Variants in CLOCK observed in about 807,000 individuals in gnomAD.
CLOCK encodes circadian locomoter output cycles protein kaput.
Under a neutral mutation model 118.4 loss-of-function variants are expected in CLOCK, and 43 were observed. The ratio of observed to expected loss-of-function variants is 0.36; its 90% CI spans 0.28 to 0.47. CLOCK has a LOEUF of 0.47. CLOCK is among the 20% of genes least tolerant of loss of function. CLOCK has a pLI of 1.00. For missense variants in CLOCK, 846 were observed against 999.9 expected, an observed-to-expected ratio of 0.85 and a Z score of 2.08; for synonymous variants, 326 against 339.2, an observed-to-expected ratio of 0.96 and a Z score of 0.43.
At position 55,431,149 on chromosome 4, in the gene CLOCK, T is replaced by C. The variant is rs1722474991; in HGVS notation, c.*4266A>G. The stretch of plus-strand genomic sequence containing the variant: ...AATGATGCTTTTAGACTGTGGTATG[T>C]TGTTTTAAAAGTGTGTGCTATTCCT... On this transcript the variant is annotated 3_prime_UTR_variant, in exon 23 of 23. Transcript: ENST00000513440. 1 of 152,170 alleles carries C rather than the reference T, an allele frequency of 6.6e-6. No individual in the cohort carries two copies. The highest frequency in any genetic ancestry group is 1.5e-5 in the Non-Finnish European group (1 of 68,008). The allele number at this position is 152,170 out of a possible 1,614,324, so 9.4% of individuals were successfully genotyped here. A position where few individuals can be genotyped will look rare whatever the true frequency, so the allele number is the denominator to read the frequency against.
At chr4:55,528,761 G>C (rs1249499929) in intron 1 of CLOCK, among the ~76,000 whole-genome samples, 2 of 152,126 alleles carry the variant, frequency 1.3e-5, no homozygotes, top group Admixed American at 6.5e-5. Flanking sequence ...GTCACCTGTA[G>C]GTACAAAAAG....
At chr4:55,546,608 G>C (rs896140776) in intron 1 of CLOCK, 174 bp downstream of exon 1, 2 of 150,720 alleles carry the variant, frequency 1.3e-5, no homozygotes, top group East Asian at 2.0e-4. Flanking sequence ...AGCACCTGGG[G>C]CTGTGAGTGG....
In CLOCK at chr4:55,442,669, A is replaced by ACTGAAAATAATTATTTGGGAAGT. The variant is rs775385544; in HGVS notation, c.1903-58_1903-36dup. 4 of 1,536,428 alleles carry ACTGAAAATAATTATTTGGGAAGT rather than the reference A, an allele frequency of 2.6e-6. No homozygotes were observed. The South Asian group carries it at 4.5e-5, about 17-fold the overall frequency. On this transcript the variant is annotated intron_variant, in intron 20 of 22. Coordinates refer to ENST00000513440, the MANE Select transcript of CLOCK (RefSeq NM_004898.4). ...ATAAAGAGATTTTATAGACAGATTAACTGAAAATAATTATTTGGGAAGTAT... is the reference window on the plus strand; with the variant it reads ...ATAAAGAGATTTTATAGACAGATTAACTGAAAATAATTATTTGGGAAGTCTGAAAATAATTATTTGGGAAGTAT...
chr4:55,516,980 C>T (rs180741900), intron 1 of CLOCK, among the ~76,000 whole-genome samples: 186 of 152,164 alleles, frequency 1.2e-3, no homozygotes, highest in South Asian at 8.3e-4. Context: ...TACCTCCCTC[C>T]TATCCTTTGT....
chr4:55,531,627 C>G (rs539898588), intron 1 of CLOCK, among the ~76,000 whole-genome samples: 4 of 136,140 alleles, frequency 2.9e-5, no homozygotes, highest in African/African-American at 1.1e-4. Context: ...ATCGCTTGAA[C>G]CCAGGAGGCA....
chr4:55,451,002 T>C (rs1259135473), intron 15 of CLOCK, among the ~76,000 whole-genome samples: 3 of 151,796 alleles, frequency 2.0e-5, no homozygotes, highest in African/African-American at 7.3e-5. Flanking sequence ...CAGCTCATTC[T>C]CATCAGTATA....
In CLOCK at chr4:55,442,504, A is replaced by G; in HGVS notation, c.2033T>C (p.Ile678Thr). ...GCTGTTTTGTGGCATACTAGATGGA[A>G]TCTGGACCATGCTTCCGGCTGCAGG... Reference protein sequence around the residue: ...SQPAAGSMVQIPSSMPQNSTQ... With the variant: ...SQPAAGSMVQTPSSMPQNSTQ... Residue 678 changes from isoleucine to threonine, a missense_variant, in exon 21 of 23, where the codon ATT (isoleucine) becomes ACT (threonine). Transcript: ENST00000513440. 1 of 1,608,540 alleles carries G rather than the reference A, an allele frequency of 6.2e-7. No individual in the cohort carries two copies. Among genetic ancestry groups the G allele is most frequent in the Non-Finnish European group, 8.5e-7 (1 of 1,179,080 alleles).
chr4:55,438,665 A>G, intron 21 of CLOCK, 128 bp from the exon 22 acceptor site: 2 of 1,353,354 alleles, frequency 1.5e-6, no homozygotes, highest in South Asian at 1.3e-5. Context: ...CAAGGTCTGT[A>G]TATTCCTACT....
At chr4:55,493,398 GATCT>G (rs1342095049) in intron 2 of CLOCK, among the ~76,000 whole-genome samples, 3 of 152,124 alleles carry the variant, frequency 2.0e-5, no homozygotes, top group African/African-American at 7.2e-5. Flanking sequence ...GGAACTGACG[GATCT>G]ATTAACATTA....
At position 55,451,243 on chromosome 4, in the gene CLOCK, ATTAAATG is replaced by A. The variant is rs1724421015; in HGVS notation, c.1207-1018_1207-1012del. On this transcript the variant is annotated intron_variant, in intron 15 of 22. Transcript: ENST00000513440. Reference sequence around the variant, plus strand: ...ATCTGTTCTTATTGATCACCAATGAATTAAATGTTAAAGTTAATGCTCAGTTCTCAAC... The same window carrying A: ...ATCTGTTCTTATTGATCACCAATGAATTAAAGTTAATGCTCAGTTCTCAAC... 2.0e-5 allele frequency among the ~76,000 whole-genome samples: 3 copies of A among 152,318 alleles called. No individual in the cohort carries two copies. In the South Asian group the frequency reaches 6.2e-4, roughly 32 times the overall value.
At chr4:55,436,930 T>C (rs577650396) in intron 22 of CLOCK, among the ~76,000 whole-genome samples, 4 of 150,524 alleles carry the variant, frequency 2.7e-5, no homozygotes, top group Non-Finnish European at 5.9e-5. Flanking sequence ...TTTATTCTTT[T>C]AAGGGCCTTT....
intron 11 of CLOCK, 102 bp from the exon 12 acceptor site, chr4:55,456,402 C>A: frequency 1.3e-6 from 1 of 746,178 alleles, no homozygotes; most frequent in Non-Finnish European, 2.2e-6. Flanking sequence ...GTGGCTCACA[C>A]CTGTAATCCC....
intron 1 of CLOCK, among the ~76,000 whole-genome samples, chr4:55,543,530 T>G (rs1731415333): frequency 6.6e-6 from 1 of 152,238 alleles, no homozygotes; most frequent in African/African-American, 2.4e-5. Flanking sequence ...CGAGTAGCTG[T>G]GCTCCCTAGA....
rs139857407 is a variant in CLOCK at position 55,509,208 on chromosome 4, G to A, written c.-136+704C>T. 4.9e-3 allele frequency among the ~76,000 whole-genome samples: 749 copies of A among 152,256 alleles called. 2 individuals are homozygous for A. The highest frequency in any genetic ancestry group is 8.5e-3 in the Non-Finnish European group (578 of 68,012). ...ATTATAATCTCATGGGACCACTGTC[G>A]TATATTTGGTCCATCACTGACCATG... On this transcript the variant is annotated intron_variant, in intron 2 of 22. Transcript: ENST00000513440.
intron 2 of CLOCK, among the ~76,000 whole-genome samples, chr4:55,498,486 C>T (rs1245438347): frequency 6.6e-6 from 1 of 151,926 alleles, no homozygotes; most frequent in Non-Finnish European, 1.5e-5. Context: ...AAAATGTAAT[C>T]CCTTTGAACT....
rs1724895383 is a variant in CLOCK, at chr4:55,455,999, G to A, written c.880C>T (p.Pro294Ser). 3.1e-6 allele frequency: 5 copies of A among 1,606,756 alleles called. No individual in the cohort carries two copies. Among genetic ancestry groups the A allele is most frequent in the African/African-American group, 2.7e-5 (2 of 74,546 alleles). Reference protein sequence around the residue: ...WKFLFLDHRAPPIIGYLPFEV... With the variant: ...WKFLFLDHRASPIIGYLPFEV... ...AATGGCAAATACCCTATTATGGGTG[G>A]TGCCCTAAATTACACAGAAAACAAT... The change falls in exon 13 of 23, where the codon CCA becomes TCA. Residue 294 changes from proline (P) to serine (S), a missense_variant. Around this residue, in one of 4 missense-constraint regions of CLOCK, gnomAD observed 66 missense variants for 99.4 expected, o/e 0.66. Coordinates refer to ENST00000513440, the MANE Select transcript of CLOCK (RefSeq NM_004898.4).
At chr4:55,503,115 AT>A (rs1728543498) in intron 2 of CLOCK, among the ~76,000 whole-genome samples, 1 of 152,228 alleles carries the variant, frequency 6.6e-6, no homozygotes, top group African/African-American at 2.4e-5. Flanking sequence ...AAACAGCCAG[AT>A]ACCTTAAGAC....
intron 9 of CLOCK, among the ~76,000 whole-genome samples, chr4:55,462,777 C>G (rs13128582): frequency 0.58 from 88,802 of 151,894 alleles, 27,564 homozygotes; most frequent in South Asian, 0.81. Context: ...AATTCTCCAA[C>G]TCTAGTTTTT....
At chr4:55,476,308 T>C (rs1272140615) in intron 6 of CLOCK, among the ~76,000 whole-genome samples, 2 of 152,184 alleles carry the variant, frequency 1.3e-5, no homozygotes, top group Non-Finnish European at 1.5e-5. Flanking sequence ...CTGATAGTTA[T>C]GTTGCTGATG....
Sources: gnomAD v4.1 joint callset for allele counts (sites outside exome capture counted in the v4.1 genomes callset) on GRCh38, gnomAD v4.1.1 for gene constraint, gnomAD v4.1.1 regional missense constraint, MANE v1.5 for transcripts, NCBI Gene and HGNC (gene_info 2026-07-23, HGNC 2026-07-21) for gene names.